The following PKIB variants were observed in gnomAD, a reference collection of about 807,000 sequenced individuals.
The protein encoded by PKIB is cAMP-dependent protein kinase inhibitor beta, also known as PKI-beta.
In PKIB, 2 loss-of-function variants were observed where a neutral mutation model predicts 4.5. The ratio of observed to expected loss-of-function variants is 0.44; its 90% confidence interval spans 0.18 to 1.39. The LOEUF is 1.39. PKIB is among the 40% of genes most tolerant of loss of function. The pLI is 0.27. For synonymous variants in PKIB, 38 were observed against 36.0 expected, an observed-to-expected ratio of 1.06 and a Z score of -0.20; for missense variants, 94 against 92.6, an observed-to-expected ratio of 1.02 and a Z score of -0.06.
chr6:122,489,395 C>T (rs1775875282), intron 2 of PKIB, among the ~76,000 whole-genome samples: 1 of 152,002 alleles, frequency 6.6e-6, no homozygotes, highest in African/African-American at 2.4e-5. Context: ...TTACAGGCAC[C>T]TGCCACCACA....
chr6:122,535,989 T>C lies in PKIB; in HGVS notation c.-247-49932T>C, dbSNP rs577458781. Reference sequence around the variant, plus strand: ...CAGAGTAAGACTCTGTCACCCAAGTTGAAGCGCAGTGGCGATCTCAGCTCA... The same window carrying C: ...CAGAGTAAGACTCTGTCACCCAAGTCGAAGCGCAGTGGCGATCTCAGCTCA... On this transcript the variant is annotated intron_variant, in intron 2 of 6. Transcript: ENST00000392491. 2.6e-5 allele frequency among the ~76,000 whole-genome samples: 4 copies of C among 152,266 alleles called. No individual in the cohort carries two copies. The South Asian group carries it at 6.2e-4, about 24-fold the overall frequency.
intron 3 of PKIB, chr6:122,701,328 C>G (rs1778805315): frequency 6.1e-6 from 5 of 824,364 alleles, no homozygotes; most frequent in Non-Finnish European, 9.6e-6. Context: ...TCCAAGCAGC[C>G]AGTGACAGTC....
At chr6:122,723,159 C>G (rs534242849) in intron 4 of PKIB, among the ~76,000 whole-genome samples, 13 of 152,280 alleles carry the variant, frequency 8.5e-5, no homozygotes, top group Non-Finnish European at 1.8e-4. Context: ...CTTTGGACAT[C>G]ATCTCTATCA....
At chr6:122,536,399 T>G (rs1285865429) in intron 2 of PKIB, among the ~76,000 whole-genome samples, 4 of 152,210 alleles carry the variant, frequency 2.6e-5, no homozygotes, top group Admixed American at 2.6e-4. Flanking sequence ...CTAGCAAATA[T>G]TCCCAATAAT....
chr6:122,635,275 A>C (rs1257931175), intron 2 of PKIB, among the ~76,000 whole-genome samples: 1 of 152,144 alleles, frequency 6.6e-6, no homozygotes, highest in Admixed American at 6.5e-5. Context: ...TGCCAAATGC[A>C]CACATTTAGC....
At chr6:122,533,975 G>A (rs1023780428) in intron 2 of PKIB, among the ~76,000 whole-genome samples, 1 of 151,406 alleles carries the variant, frequency 6.6e-6, no homozygotes, top group African/African-American at 2.4e-5. Flanking sequence ...ATCACATCTT[G>A]TATTTTGGAA....
intron 2 of PKIB, among the ~76,000 whole-genome samples, chr6:122,669,901 T>C (rs1777385511): frequency 6.6e-6 from 1 of 152,166 alleles, no homozygotes; most frequent in Admixed American, 6.5e-5. Context: ...TTGGCAGTTA[T>C]TGCAAAATCC....
At chr6:122,724,832 CTT>C (rs141258656) in intron 4 of PKIB, among the ~76,000 whole-genome samples, 1 of 152,222 alleles carries the variant, frequency 6.6e-6, no homozygotes, top group East Asian at 1.9e-4. Context: ...TAGTCTCTGA[CTT>C]TGGACAAGTC....
intron 2 of PKIB, among the ~76,000 whole-genome samples, chr6:122,542,409 C>T (rs1308245477): frequency 6.6e-6 from 1 of 152,082 alleles, no homozygotes; most frequent in Non-Finnish European, 1.5e-5. Flanking sequence ...ACAGACAGGA[C>T]CCTCAGCTGC....
At chr6:122,666,651 A>C (rs1364281404) in intron 2 of PKIB, among the ~76,000 whole-genome samples, 1 of 152,190 alleles carries the variant, frequency 6.6e-6, no homozygotes, top group Non-Finnish European at 1.5e-5. Context: ...TGATCTTATC[A>C]AGGTAGGGAG....
chr6:122,720,304 C>T (rs1229702630), intron 4 of PKIB, among the ~76,000 whole-genome samples: 1 of 151,830 alleles, frequency 6.6e-6, no homozygotes, highest in Non-Finnish European at 1.5e-5. Flanking sequence ...TTAATCTATC[C>T]CTTATAAATT....
intron 2 of PKIB, among the ~76,000 whole-genome samples, chr6:122,585,308 C>T (rs538978557): frequency 6.6e-6 from 1 of 152,248 alleles, no homozygotes; most frequent in South Asian, 2.1e-4. Context: ...GCAAGAGTCT[C>T]CTGTACAATA....
intron 2 of PKIB, chr6:122,478,910 G>A (rs993548887): frequency 2.6e-5 from 4 of 152,258 alleles, no homozygotes; most frequent in Non-Finnish European, 5.9e-5. Flanking sequence ...TGGTCAGTGG[G>A]TTGTGAAGAC....
chr6:122,624,077 C>T (rs1186175836), intron 1 of PKIB, among the ~76,000 whole-genome samples: 1 of 152,094 alleles, frequency 6.6e-6, no homozygotes, highest in Non-Finnish European at 1.5e-5. Context: ...GTTTAAGTAA[C>T]TTGGCCAAGT....
At chr6:122,615,035 C>G (rs1774926897) in intron 1 of PKIB, among the ~76,000 whole-genome samples, 1 of 152,042 alleles carries the variant, frequency 6.6e-6, no homozygotes, top group Non-Finnish European at 1.5e-5. Context: ...GATTTTGTTA[C>G]ACTCCAAGGG....
chr6:122,717,759 C>G (rs1201287822), intron 3 of PKIB, 28 bp from the exon 4 acceptor site: 1 of 1,608,382 alleles, frequency 6.2e-7, no homozygotes, highest in African/African-American at 1.3e-5. Flanking sequence ...ATAGGCTCAT[C>G]TTCTTCATAT....
intron 2 of PKIB, among the ~76,000 whole-genome samples, chr6:122,567,649 G>A (rs748421251): frequency 7.2e-5 from 11 of 152,036 alleles, no homozygotes; most frequent in Admixed American, 1.3e-4. Flanking sequence ...AACCTTCAAC[G>A]AATTTATAAG....
At chr6:122,493,064 A>G (rs1409915518) in intron 2 of PKIB, among the ~76,000 whole-genome samples, 3 of 152,210 alleles carry the variant, frequency 2.0e-5, no homozygotes, top group African/African-American at 7.2e-5. Context: ...TCTAAACTCA[A>G]CTTCATTAAT....
chr6:122,702,704 G>A (rs900144575), intron 3 of PKIB, among the ~76,000 whole-genome samples: 3 of 151,866 alleles, frequency 2.0e-5, no homozygotes, highest in Non-Finnish European at 2.9e-5. Flanking sequence ...AGAAAGATTC[G>A]ACAAAAACGG....
Sources: allele counts gnomAD v4.1 joint callset (sites outside exome capture counted in the v4.1 genomes callset), GRCh38; gene constraint gnomAD v4.1.1; transcripts MANE v1.5; gene names NCBI Gene and HGNC (gene_info 2026-07-23, HGNC 2026-07-21).